Variants in QSOX1 observed in about 807,000 individuals in gnomAD.
QSOX1 encodes sulfhydryl oxidase 1.
QSOX1 carries 40 observed loss-of-function variants against 76.1 expected under a neutral mutation model. The ratio of observed to expected loss-of-function variants is 0.53; its 90% confidence interval spans 0.41 to 0.68. The LOEUF (loss-of-function observed/expected upper bound fraction) is 0.68, where lower values mean the gene tolerates loss of function less well. QSOX1 is among the 30% of genes least tolerant of loss of function. QSOX1 has a pLI of 0.00. For missense variants in QSOX1, 931 were observed against 974.3 expected, an observed-to-expected ratio of 0.96 and a Z score of 0.59; for synonymous variants, 392 against 413.1, an observed-to-expected ratio of 0.95 and a Z score of 0.62.
At chr1:180,193,748 T>G (rs1310525138) in intron 10 of QSOX1, among the ~76,000 whole-genome samples, 1 of 151,736 alleles carries the variant, frequency 6.6e-6, no homozygotes, top group African/African-American at 2.4e-5. Context: ...TGGAGACAGA[T>G]TAGGAAGGGC....
At chr1:180,187,102 C>T (rs1468151591) in intron 8 of QSOX1, among the ~76,000 whole-genome samples, 4 of 152,160 alleles carry the variant, frequency 2.6e-5, no homozygotes, top group African/African-American at 7.2e-5. Flanking sequence ...GGGCTGCCCT[C>T]GGGTGATTTG....
intron 2 of QSOX1, among the ~76,000 whole-genome samples, chr1:180,171,419 G>T (rs1468265953): frequency 6.6e-6 from 1 of 151,954 alleles, no homozygotes; most frequent in East Asian, 1.9e-4. Context: ...GGTTGAGAGA[G>T]GGGTGATTCA....
At position 180,182,245 on chromosome 1, in the gene QSOX1, GAGA is replaced by G. The variant is rs1237779156; in HGVS notation, c.680_682del (p.Arg227del). Reference sequence around the variant, plus strand: ...TGCTGAACACAGAGGCCAATGTGGTGAGAAAGTTTGGTGTCACCGACTTCCCCT... The same window carrying G: ...TGCTGAACACAGAGGCCAATGTGGTGAAGTTTGGTGTCACCGACTTCCCCT... On this transcript the variant is annotated inframe_deletion, in exon 6 of 12. Coordinates refer to ENST00000367602, the MANE Select transcript of QSOX1 (RefSeq NM_002826.5). The G allele has an allele frequency of 6.2e-7, 1 of 1,614,226 alleles. No individual in the cohort carries two copies. Among genetic ancestry groups the G allele is most frequent in the South Asian group, 1.1e-5 (1 of 91,084 alleles).
intron 1 of QSOX1, 145 bp downstream of exon 1, chr1:180,155,317 C>T (rs1662351657): frequency 1.3e-6 from 1 of 746,604 alleles, no homozygotes; most frequent in Admixed American, 3.9e-5. Context: ...CCACGCCCAC[C>T]ACCTTCATGT....
chr1:180,160,121 ACT>A (rs1393472750), intron 1 of QSOX1, among the ~76,000 whole-genome samples: 1 of 151,882 alleles, frequency 6.6e-6, no homozygotes, highest in Non-Finnish European at 1.5e-5. Context: ...TACTGTAATG[ACT>A]CTCCCCAGGA....
chr1:180,175,597 G>A (rs756414859), intron 3 of QSOX1, among the ~76,000 whole-genome samples: 4 of 152,198 alleles, frequency 2.6e-5, no homozygotes, highest in Non-Finnish European at 5.9e-5. Flanking sequence ...CCCTAGGGTC[G>A]GGGCAGGGGC....
intron 6 of QSOX1, among the ~76,000 whole-genome samples, chr1:180,183,034 G>A (rs1027624134): frequency 6.6e-6 from 1 of 152,202 alleles, no homozygotes; most frequent in Non-Finnish European, 1.5e-5. Context: ...CAGGAGGTGC[G>A]ATGCCACCAA....
chr1:180,186,405 A>C (rs1371191877), intron 8 of QSOX1, among the ~76,000 whole-genome samples: 1 of 152,220 alleles, frequency 6.6e-6, no homozygotes, highest in African/African-American at 2.4e-5. Flanking sequence ...CCCATGCAGC[A>C]GTGTGGGTGG....
In QSOX1 at chr1:180,197,626, G is replaced by A; in HGVS notation, c.*589G>A. 2.0e-6 allele frequency: 1 copy of A among 496,802 alleles called. No homozygotes were observed. The highest frequency in any genetic ancestry group is 3.6e-5 in the East Asian group (1 of 27,756). The allele number at this position is 496,802 out of a possible 1,614,324, so 30.8% of individuals were successfully genotyped here. A position where few individuals can be genotyped will look rare whatever the true frequency, so the allele number is the denominator to read the frequency against. ...GGGTGGGGTTTGGAAGCTTCTGGAA[G>A]TCGTGCTGGTCTCCCAGGTGAGGCA... On this transcript the variant is annotated 3_prime_UTR_variant, in exon 12 of 12. Transcript: ENST00000367602.
At chr1:180,186,297 G>T in intron 8 of QSOX1, 115 bp downstream of exon 8, 2 of 1,383,040 alleles carry the variant, frequency 1.4e-6, no homozygotes, top group Non-Finnish European at 2.0e-6. Flanking sequence ...GGTCTGGCTG[G>T]ACACCTGGAC....
chr1:180,191,309 G>A (rs1420021664), intron 10 of QSOX1, among the ~76,000 whole-genome samples: 4 of 152,224 alleles, frequency 2.6e-5, no homozygotes, highest in African/African-American at 7.2e-5. Flanking sequence ...GGCTAGGGCC[G>A]TGGTGGAGAG....
In QSOX1 at chr1:180,183,792, C is replaced by T. The variant is rs952430207; in HGVS notation, c.753-124C>T. The T allele has an allele frequency of 1.4e-5, 16 of 1,129,918 alleles. 1 individual carries two copies. The South Asian group carries it at 1.7e-4, about 12-fold the overall frequency. The allele number at this position is 1,129,918 out of a possible 1,614,324, so 70.0% of individuals were successfully genotyped here. The stretch of plus-strand genomic sequence containing the variant: ...CCTCACAGAGGACAAGATGGAATCT[C>T]GTTCACATATTTAATAAACCTTCCT... On this transcript the variant is annotated intron_variant, in intron 6 of 11. Coordinates refer to ENST00000367602, the MANE Select transcript of QSOX1 (RefSeq NM_002826.5).
At chr1:180,191,489 A>T (rs1302510833) in intron 10 of QSOX1, among the ~76,000 whole-genome samples, 1 of 152,264 alleles carries the variant, frequency 6.6e-6, no homozygotes, top group Non-Finnish European at 1.5e-5. Flanking sequence ...ACTGCCAGGC[A>T]GTGGTGTGGG....
Position 180,166,609 on chromosome 1 carries a change from G to A in QSOX1, c.366+18G>A, listed in dbSNP as rs369738822. On this transcript the variant is annotated intron_variant, in intron 2 of 11. Transcript: ENST00000367602. Reference sequence around the variant, plus strand: ...CTGTGAGGGTGTGTGACTGACAGGAGGGGAAGGCAGGCTGGGCCTGCTTTG... The same window carrying A: ...CTGTGAGGGTGTGTGACTGACAGGAAGGGAAGGCAGGCTGGGCCTGCTTTG... 2.2e-4 allele frequency: 349 copies of A among 1,603,370 alleles called. No individual in the cohort carries two copies. Among genetic ancestry groups the A allele is most frequent in the Non-Finnish European group, 2.9e-4 (345 of 1,174,860 alleles).
At chr1:180,177,003 G>A (rs968236597) in intron 4 of QSOX1, among the ~76,000 whole-genome samples, 19 of 152,146 alleles carry the variant, frequency 1.2e-4, no homozygotes, top group African/African-American at 4.3e-4. Context: ...ATCCTCCAGA[G>A]GGCCTCCAGG....
Position 180,196,302 on chromosome 1 carries a change from G to C in QSOX1, c.1509G>C (p.Trp503Cys), listed in dbSNP as rs1490184654. 1 of 1,613,878 alleles carries C rather than the reference G, an allele frequency of 6.2e-7. No homozygotes were observed. The highest frequency in any genetic ancestry group is 8.5e-7 in the Non-Finnish European group (1 of 1,179,828). ...SEDPQFPKVQWPPRELCSACH... is the reference protein window; with the variant it reads ...SEDPQFPKVQCPPRELCSACH... ...ACCCCCAGTTCCCCAAGGTGCAGTG[G>C]CCACCCCGTGAACTTTGTTCTGCCT... The change falls in exon 12 of 12, where the codon TGG (tryptophan) becomes TGC (cysteine). Residue 503 changes from tryptophan to cysteine, a missense_variant. Transcript: ENST00000367602. The surrounding 1 kb of genome is among the most constrained non-coding windows in gnomAD (Gnocchi z 4.1).
chr1:180,171,321 T>C (rs1662753298), intron 2 of QSOX1, among the ~76,000 whole-genome samples: 6 of 151,370 alleles, frequency 4.0e-5, no homozygotes. Context: ...GTCAGCTAAC[T>C]GGATGACGGG....
intron 2 of QSOX1, among the ~76,000 whole-genome samples, chr1:180,171,443 TG>T (rs1662758046): frequency 8.3e-6 from 1 of 121,046 alleles, no homozygotes; most frequent in South Asian, 2.6e-4. Context: ...TTGGGGATGG[TG>T]GGGGAGGGGC....
chr1:180,194,996 C>CGGTG (rs796069361), intron 11 of QSOX1, among the ~76,000 whole-genome samples: 2 of 136,018 alleles, frequency 1.5e-5, no homozygotes, highest in East Asian at 4.8e-4. Flanking sequence ...GACAGCCTCC[C>CGGTG]GGGGGGGGGA....
Sources: allele counts gnomAD v4.1 joint callset (sites outside exome capture counted in the v4.1 genomes callset), GRCh38; gene constraint gnomAD v4.1.1; non-coding constraint Gnocchi (gnomAD v3.1); transcripts MANE v1.5; gene names NCBI Gene and HGNC (gene_info 2026-07-23, HGNC 2026-07-21).